CNTNAP2: variants seen among roughly 807,000 people sequenced by gnomAD.
CNTNAP2 encodes the protein contactin-associated protein-like 2.
In CNTNAP2, 98 loss-of-function variants were observed where a neutral mutation model predicts 155.2. That is an observed-to-expected ratio of 0.63 (90% CI 0.54 to 0.75). The LOEUF is 0.75. CNTNAP2 is among the 30% of genes least tolerant of loss of function. CNTNAP2 has a pLI of 0.00. For missense variants in CNTNAP2, 1,727 were observed against 1,688.1 expected, an observed-to-expected ratio of 1.02 and a Z score of -0.40; for synonymous variants, 651 against 631.2, an observed-to-expected ratio of 1.03 and a Z score of -0.47.
intron 1 of CNTNAP2, among the ~76,000 whole-genome samples, chr7:146,230,738 G>A (rs988913198): frequency 2.6e-5 from 4 of 152,238 alleles, no homozygotes; most frequent in South Asian, 2.1e-4. Flanking sequence ...TCTATTGGCC[G>A]GGCACGGTGG....
At chr7:147,671,796 T>C (rs1354399680) in intron 13 of CNTNAP2, 2 of 152,192 alleles carry the variant, frequency 1.3e-5, no homozygotes, top group East Asian at 1.9e-4. Context: ...CTAATTCAAA[T>C]GGGATGGCCC....
intron 1 of CNTNAP2, among the ~76,000 whole-genome samples, chr7:146,578,527 GA>G (rs1285498719): frequency 6.6e-6 from 1 of 152,010 alleles, no homozygotes; most frequent in Non-Finnish European, 1.5e-5. Flanking sequence ...GTGCTATTTT[GA>G]AAAGAAGGGA....
intron 13 of CNTNAP2, among the ~76,000 whole-genome samples, chr7:147,841,764 A>G (rs191433589): frequency 3.3e-5 from 5 of 152,316 alleles, no homozygotes; most frequent in Non-Finnish European, 5.9e-5. Flanking sequence ...AATAGTATTT[A>G]TACATAAATA....
intron 12 of CNTNAP2, among the ~76,000 whole-genome samples, chr7:147,581,351 T>TA (rs1340328279): frequency 6.6e-6 from 1 of 152,048 alleles, no homozygotes; most frequent in Non-Finnish European, 1.5e-5. Flanking sequence ...ACAAGTAATT[T>TA]TGGGCTATTG....
intron 14 of CNTNAP2, among the ~76,000 whole-genome samples, chr7:147,949,458 A>ATATATATATATATATATATATATATATT (rs1433579404): frequency 1.1e-4 from 15 of 137,378 alleles, no homozygotes; most frequent in South Asian, 4.8e-4. Flanking sequence ...ATATATATAT[A>ATATATATATATATATATATATATATATT]TTTTTTTTTT....
chr7:147,265,043 G>T (rs555026130), intron 8 of CNTNAP2, among the ~76,000 whole-genome samples: 3 of 152,190 alleles, frequency 2.0e-5, no homozygotes, highest in African/African-American at 4.8e-5. Flanking sequence ...AGGCACCTGA[G>T]ACCCAGGTCA....
At position 146,823,270 on chromosome 7, in the gene CNTNAP2, T is replaced by A. The variant is rs545691683; in HGVS notation, c.209-16441T>A. On this transcript the variant is annotated intron_variant, in intron 2 of 23. Transcript: ENST00000361727. ...ATGTAAATATACTCATTCTTCAGTA[T>A]AATTACATGTAAATATACTCATTCT... 2.0e-5 allele frequency among the ~76,000 whole-genome samples: 3 copies of A among 150,102 alleles called. No homozygotes were observed. In the South Asian group the frequency reaches 6.4e-4, roughly 32 times the overall value.
At chr7:147,930,850 G>A (rs1248521315) in intron 14 of CNTNAP2, among the ~76,000 whole-genome samples, 1 of 152,038 alleles carries the variant, frequency 6.6e-6, no homozygotes, top group Non-Finnish European at 1.5e-5. Context: ...TATCTTTTCT[G>A]ATCACAATGG....
intron 15 of CNTNAP2, among the ~76,000 whole-genome samples, chr7:148,027,818 CAT>C: frequency 6.6e-6 from 1 of 152,138 alleles, no homozygotes; most frequent in Middle Eastern, 3.2e-3. Context: ...AGTTATAAAA[CAT>C]AAATTGAAAA....
chr7:148,252,566 C>G (rs1796381648), intron 20 of CNTNAP2, among the ~76,000 whole-genome samples: 1 of 152,150 alleles, frequency 6.6e-6, no homozygotes, highest in South Asian at 2.1e-4. Flanking sequence ...TGAGCAGTAG[C>G]CTCTATTGAC....
At chr7:148,274,947 G>T (rs948140361) in intron 21 of CNTNAP2, among the ~76,000 whole-genome samples, 3 of 152,152 alleles carry the variant, frequency 2.0e-5, no homozygotes, top group Non-Finnish European at 4.4e-5. Context: ...ATGTTTAGCG[G>T]TTAGCACAGT....
rs116766356 is a variant in CNTNAP2 at position 146,229,037 on chromosome 7, A to G, written c.97+112064A>G. On this transcript the variant is annotated intron_variant, in intron 1 of 23. Transcript: ENST00000361727. ...ACTGAACCGTTTCACATGAGTTTAC[A>G]GATTAATATTCATATAAAACTATAT... is the stretch of plus-strand genomic sequence containing the variant. Among the ~76,000 whole-genome samples, 794 of 152,306 alleles carry G rather than the reference A, an allele frequency of 5.2e-3. 6 individuals carry two copies. The highest frequency in any genetic ancestry group is 0.018 in the African/African-American group (748 of 41,574).
At chr7:147,103,244 C>T (rs1800691100) in intron 4 of CNTNAP2, among the ~76,000 whole-genome samples, 1 of 151,894 alleles carries the variant, frequency 6.6e-6, no homozygotes, top group South Asian at 2.1e-4. Flanking sequence ...TGTAAATATA[C>T]AAACATCAAT....
At chr7:146,717,386 G>A (rs948768056) in intron 1 of CNTNAP2, among the ~76,000 whole-genome samples, 2 of 150,632 alleles carry the variant, frequency 1.3e-5, no homozygotes, top group East Asian at 3.9e-4. Context: ...GGTGGTGGGT[G>A]CCTGTAATCC....
chr7:146,611,372 C>T (rs778439442), intron 1 of CNTNAP2, among the ~76,000 whole-genome samples: 2 of 152,042 alleles, frequency 1.3e-5, no homozygotes, highest in African/African-American at 2.4e-5. Flanking sequence ...ATTATAGGCG[C>T]GAGCCACCGC....
chr7:147,451,582 C>G (rs755418064), intron 10 of CNTNAP2, among the ~76,000 whole-genome samples: 1 of 152,116 alleles, frequency 6.6e-6, no homozygotes, highest in Non-Finnish European at 1.5e-5. Flanking sequence ...CTCAAGATCA[C>G]GTAGCTAGAA....
At chr7:147,472,248 A>G (rs2116611109) in intron 10 of CNTNAP2, among the ~76,000 whole-genome samples, 1 of 112,982 alleles carries the variant, frequency 8.9e-6, no homozygotes, top group East Asian at 2.7e-4. Flanking sequence ...AGTCTCACTC[A>G]GTTGCCCAGG....
chr7:146,304,345 A>T (rs1421696103), intron 1 of CNTNAP2, among the ~76,000 whole-genome samples: 3 of 151,998 alleles, frequency 2.0e-5, no homozygotes, highest in African/African-American at 7.3e-5. Context: ...TCGTTAGTTG[A>T]TGCAATTTCT....
At chr7:146,256,102 T>C (rs1417889545) in intron 1 of CNTNAP2, among the ~76,000 whole-genome samples, 1 of 152,214 alleles carries the variant, frequency 6.6e-6, no homozygotes, top group Non-Finnish European at 1.5e-5. Flanking sequence ...AATTCATGCA[T>C]GCATAAAGTG....
Sources: gnomAD v4.1 joint callset for allele counts (sites outside exome capture counted in the v4.1 genomes callset) on GRCh38, gnomAD v4.1.1 for gene constraint, MANE v1.5 for transcripts, NCBI Gene and HGNC (gene_info 2026-07-23, HGNC 2026-07-21) for gene names.